The following FGF14 variants were observed in gnomAD, a reference collection of about 807,000 sequenced individuals.
The protein encoded by FGF14 is fibroblast growth factor homologous factor 4.
In FGF14, 5 loss-of-function variants were observed where a neutral mutation model predicts 25.5. The ratio of observed to expected loss-of-function variants is 0.20; its 90% CI spans 0.10 to 0.41. The LOEUF (loss-of-function observed/expected upper bound fraction) is 0.41, where lower values mean the gene tolerates loss of function less well. Among genes scored for constraint, FGF14 ranks in the 10% least tolerant of loss-of-function variants. FGF14 has a pLI of 1.00. For synonymous variants in FGF14, 138 were observed against 118.3 expected, an observed-to-expected ratio of 1.17 and a Z score of -1.08; for missense variants, 222 against 320.1, an observed-to-expected ratio of 0.69 and a Z score of 2.34.
chr13:101,906,644 T>C (rs2032282663), intron 1 of FGF14, among the ~76,000 whole-genome samples: 1 of 152,196 alleles, frequency 6.6e-6, no homozygotes. Context: ...AGTTACATGT[T>C]ACCCCGGAAA....
intron 3 of FGF14, among the ~76,000 whole-genome samples, chr13:101,777,808 G>A (rs960062998): frequency 1.3e-5 from 2 of 151,808 alleles, no homozygotes; most frequent in African/African-American, 4.8e-5. Context: ...TTAAAAATGC[G>A]AAAAAATTAG....
At chr13:101,929,960 C>T (rs1005699702) in intron 1 of FGF14, among the ~76,000 whole-genome samples, 1 of 152,178 alleles carries the variant, frequency 6.6e-6, no homozygotes, top group African/African-American at 2.4e-5. Flanking sequence ...GCAACACATA[C>T]ATAAAGGAAA....
At chr13:101,788,901 T>TAGAGAGAGAG (rs2040033594) in intron 3 of FGF14, among the ~76,000 whole-genome samples, 1 of 41,352 alleles carries the variant, frequency 2.4e-5, no homozygotes, top group Non-Finnish European at 4.9e-5. Context: ...TATATATATA[T>TAGAGAGAGAG]ATATATATAG....
At chr13:102,013,740 C>A (rs1341893509) in intron 1 of FGF14, among the ~76,000 whole-genome samples, 1 of 152,112 alleles carries the variant, frequency 6.6e-6, no homozygotes, top group Non-Finnish European at 1.5e-5. Context: ...TTCATATTCC[C>A]CTACTACCTA....
intron 1 of FGF14, among the ~76,000 whole-genome samples, chr13:102,218,732 T>G (rs2050483602): frequency 2.0e-5 from 3 of 152,276 alleles, no homozygotes; most frequent in East Asian, 3.9e-4. Flanking sequence ...TGGGGTGTTT[T>G]TATCCTCATT....
chr13:102,218,041 G>A (rs987219236), intron 1 of FGF14, among the ~76,000 whole-genome samples: 2 of 152,108 alleles, frequency 1.3e-5, no homozygotes, highest in Non-Finnish European at 2.9e-5. Flanking sequence ...CGTTTCAAGA[G>A]AGGACTCTCT....
intron 1 of FGF14, among the ~76,000 whole-genome samples, chr13:102,119,462 A>T (rs904103900): frequency 6.6e-6 from 1 of 152,222 alleles, no homozygotes; most frequent in Non-Finnish European, 1.5e-5. Flanking sequence ...AAAACAGGAA[A>T]TCTGAATATG....
chr13:102,079,802 G>A (rs911104190), intron 1 of FGF14, among the ~76,000 whole-genome samples: 3 of 152,132 alleles, frequency 2.0e-5, no homozygotes, highest in South Asian at 4.1e-4. Context: ...GGTGATAAGA[G>A]GGAAGGCATT....
intron 1 of FGF14, among the ~76,000 whole-genome samples, chr13:102,264,116 T>A (rs1427027509): frequency 6.6e-6 from 1 of 152,018 alleles, no homozygotes; most frequent in East Asian, 1.9e-4. Context: ...CAATTTTAGA[T>A]GGATTGAGAT....
chr13:101,882,790 T>C (rs191655948), intron 1 of FGF14, among the ~76,000 whole-genome samples: 44 of 152,290 alleles, frequency 2.9e-4, no homozygotes, highest in African/African-American at 9.6e-4. Context: ...GGGTAGATAG[T>C]TGGAAATGAT....
At chr13:102,088,797 A>T (rs1342154849) in intron 1 of FGF14, among the ~76,000 whole-genome samples, 1 of 152,176 alleles carries the variant, frequency 6.6e-6, no homozygotes, top group Admixed American at 6.5e-5. Flanking sequence ...ATATCATAGC[A>T]AATATTATAG....
chr13:102,319,353 C>T (rs2056157041), intron 1 of FGF14, among the ~76,000 whole-genome samples: 1 of 152,072 alleles, frequency 6.6e-6, no homozygotes, highest in Non-Finnish European at 1.5e-5. Context: ...GGGAACACAC[C>T]CCCTGCTCTG....
chr13:102,143,219 C>T (rs2046717681), intron 1 of FGF14, among the ~76,000 whole-genome samples: 1 of 152,096 alleles, frequency 6.6e-6, no homozygotes, highest in South Asian at 2.1e-4. Flanking sequence ...CTACAAAATA[C>T]TTTCAAATGC....
chr13:102,140,583 G>A lies in FGF14; in HGVS notation c.208+260888C>T, dbSNP rs568454458. Among the ~76,000 whole-genome samples, 154 of 152,254 alleles carry A rather than the reference G, an allele frequency of 1.0e-3. 2 individuals are homozygous for A. In the Middle Eastern group the frequency reaches 0.014, roughly 13 times the overall value. On this transcript the variant is annotated intron_variant, in intron 1 of 4. Transcript: ENST00000376131. ...GATTTATCATTACCTATGCTGATAA[G>A]GGGAGTGAGAAAATAGGAAAATCCA...
At chr13:101,888,490 G>T (rs2046106315) in intron 1 of FGF14, among the ~76,000 whole-genome samples, 1 of 151,988 alleles carries the variant, frequency 6.6e-6, no homozygotes, top group Non-Finnish European at 1.5e-5. Flanking sequence ...TCAAGAATTG[G>T]GAGGCTTTTT....
At chr13:101,939,369 T>G (rs2035299867) in intron 1 of FGF14, among the ~76,000 whole-genome samples, 1 of 152,226 alleles carries the variant, frequency 6.6e-6, no homozygotes. Context: ...TAGAAATAGC[T>G]TAGTAAGCCA....
chr13:102,335,028 C>T (rs1342740799), intron 1 of FGF14, among the ~76,000 whole-genome samples: 1 of 152,152 alleles, frequency 6.6e-6, no homozygotes, highest in Non-Finnish European at 1.5e-5. Flanking sequence ...CCCGTCTATA[C>T]CCTCTTCCAT....
At chr13:101,950,124 T>C (rs1039092966) in intron 1 of FGF14, among the ~76,000 whole-genome samples, 6 of 152,166 alleles carry the variant, frequency 3.9e-5, no homozygotes, top group Admixed American at 3.9e-4. Context: ...ATCTTGTACC[T>C]ACCAGATGCC....
chr13:101,719,071 G>T lies in FGF14; in HGVS notation c.*3760C>A, dbSNP rs1174748909. ...AAAATATTTCAATTATTTTCATCTT[G>T]TTCTCAACTGGATGTTAGTCAATGT... On this transcript the variant is annotated 3_prime_UTR_variant, in exon 5 of 5. Transcript: ENST00000376143. The T allele has an allele frequency of 3.3e-5, 5 of 151,972 alleles. No individual in the cohort carries two copies. Among genetic ancestry groups the T allele is most frequent in the Non-Finnish European group, 7.4e-5 (5 of 67,982 alleles). 9.4% of individuals were successfully genotyped at this position (151,972 alleles called of 1,614,324 possible).
Sources: allele counts gnomAD v4.1 joint callset (sites outside exome capture counted in the v4.1 genomes callset), GRCh38; gene constraint gnomAD v4.1.1; transcripts MANE v1.5; gene names NCBI Gene and HGNC (gene_info 2026-07-23, HGNC 2026-07-21).